Variants in EPB41L4A observed in about 807,000 individuals in gnomAD.
EPB41L4A encodes the protein band 4.1-like protein 4A.
Under a neutral mutation model 108.6 loss-of-function variants are expected in EPB41L4A, and 100 were observed. That is an observed-to-expected ratio of 0.92 (90% confidence interval 0.78 to 1.09). The LOEUF is 1.09. EPB41L4A is among the 50% of genes least tolerant of loss of function. The pLI is 0.00. For synonymous variants in EPB41L4A, 319 were observed against 289.0 expected, an observed-to-expected ratio of 1.10 and a Z score of -1.05; for missense variants, 1,030 against 842.7, an observed-to-expected ratio of 1.22 and a Z score of -2.75.
chr5:112,174,927 A>T (rs915130517), intron 18 of EPB41L4A, among the ~76,000 whole-genome samples: 1 of 152,164 alleles, frequency 6.6e-6, no homozygotes, highest in Non-Finnish European at 1.5e-5. Context: ...AATAAATCTA[A>T]TTAGGAGATG....
intron 1 of EPB41L4A, among the ~76,000 whole-genome samples, chr5:112,348,104 G>A (rs543767068): frequency 1.2e-4 from 19 of 152,106 alleles, no homozygotes; most frequent in Non-Finnish European, 5.9e-5. Context: ...AAGCCAACAT[G>A]TGCCCTACCT....
chr5:112,318,746 T>A (rs1243936328), intron 1 of EPB41L4A, among the ~76,000 whole-genome samples: 1 of 152,130 alleles, frequency 6.6e-6, no homozygotes, highest in Non-Finnish European at 1.5e-5. Flanking sequence ...AGACTAAGAC[T>A]CAAATGTTCT....
At chr5:112,244,320 C>A (rs528566214) in intron 9 of EPB41L4A, among the ~76,000 whole-genome samples, 1 of 152,280 alleles carries the variant, frequency 6.6e-6, no homozygotes, top group East Asian at 1.9e-4. Flanking sequence ...TCAATTGCAA[C>A]AGTAACATCA....
chr5:112,379,170 T>C (rs1215527117), intron 1 of EPB41L4A, among the ~76,000 whole-genome samples: 4 of 152,190 alleles, frequency 2.6e-5, no homozygotes, highest in Non-Finnish European at 4.4e-5. Flanking sequence ...TGGGCATCAA[T>C]GAAGGCAGAA....
chr5:112,404,105 G>T (rs900464640), intron 1 of EPB41L4A, among the ~76,000 whole-genome samples: 1 of 152,166 alleles, frequency 6.6e-6, no homozygotes, highest in Non-Finnish European at 1.5e-5. Context: ...TCATTGCTTA[G>T]AACCTATGTC....
At chr5:112,218,838 G>A (rs1199760573) in intron 12 of EPB41L4A, among the ~76,000 whole-genome samples, 2 of 152,076 alleles carry the variant, frequency 1.3e-5, no homozygotes, top group African/African-American at 4.8e-5. Flanking sequence ...GAAAAACAAT[G>A]TACCTTGTGC....
chr5:112,383,903 G>T (rs1419035855), intron 1 of EPB41L4A, among the ~76,000 whole-genome samples: 1 of 152,092 alleles, frequency 6.6e-6, no homozygotes. Context: ...TTCTAGATAG[G>T]TTAAAAGTTA....
intron 1 of EPB41L4A, among the ~76,000 whole-genome samples, chr5:112,327,109 C>T (rs1205697386): frequency 6.6e-6 from 1 of 152,104 alleles, no homozygotes; most frequent in East Asian, 1.9e-4. Context: ...CTCAGCTGAG[C>T]GAGTTGCAAA....
At chr5:112,161,627 A>C (rs1759910678), downstream of EPB41L4A, 1 of 519,072 alleles carries the variant, frequency 1.9e-6, no homozygotes, top group Non-Finnish European at 3.8e-6. Context: ...TGCTGCTTTT[A>C]CGTTTCCACG....
At chr5:112,312,977 G>C (rs1755145053) in intron 1 of EPB41L4A, among the ~76,000 whole-genome samples, 1 of 152,102 alleles carries the variant, frequency 6.6e-6, no homozygotes, top group Non-Finnish European at 1.5e-5. Flanking sequence ...CCAGTCCTAG[G>C]ATTTATTACA....
At chr5:112,410,021 T>C (rs1746370137) in intron 1 of EPB41L4A, among the ~76,000 whole-genome samples, 1 of 152,080 alleles carries the variant, frequency 6.6e-6, no homozygotes, top group African/African-American at 2.4e-5. Context: ...CAGTCTGGAT[T>C]AGGGTCAGAA....
intron 12 of EPB41L4A, among the ~76,000 whole-genome samples, chr5:112,216,650 T>G (rs926316221): frequency 6.6e-6 from 1 of 152,176 alleles, no homozygotes; most frequent in African/African-American, 2.4e-5. Context: ...AATAATAAGA[T>G]TATAGCTATT....
chr5:112,402,112 G>A lies in EPB41L4A; in HGVS notation c.99+16829C>T, dbSNP rs531425457. Among the ~76,000 whole-genome samples, 3 of 152,300 alleles carry A rather than the reference G, an allele frequency of 2.0e-5. No homozygotes were observed. In the East Asian group the frequency reaches 5.8e-4, roughly 29 times the overall value. Reference sequence around the variant, plus strand: ...CCAGTGTTGGAGGAGGGGCCTGGTGGGAGGTAATTGGATCTTGGCGGCAAA... The same window carrying A: ...CCAGTGTTGGAGGAGGGGCCTGGTGAGAGGTAATTGGATCTTGGCGGCAAA... On this transcript the variant is annotated intron_variant, in intron 1 of 22. Transcript: ENST00000261486.
intron 6 of EPB41L4A, 25 bp downstream of exon 6, chr5:112,264,870 AT>A (rs1408996982): frequency 6.3e-7 from 1 of 1,598,958 alleles, no homozygotes; most frequent in South Asian, 1.1e-5. Flanking sequence ...GGATGATGCA[AT>A]AAGACATGGT....
intron 17 of EPB41L4A, among the ~76,000 whole-genome samples, chr5:112,187,904 A>G (rs553325741): frequency 4.5e-4 from 68 of 152,330 alleles, no homozygotes; most frequent in Admixed American, 1.6e-3. Context: ...CAGCTCTGCC[A>G]TTATCTGACT....
intron 1 of EPB41L4A, among the ~76,000 whole-genome samples, chr5:112,394,486 C>T (rs1761192556): frequency 6.6e-6 from 1 of 152,182 alleles, no homozygotes; most frequent in South Asian, 2.1e-4. Context: ...CACTCCCATT[C>T]ACAATTGCTT....
intron 4 of EPB41L4A, among the ~76,000 whole-genome samples, chr5:112,272,001 T>G (rs1232346513): frequency 6.6e-6 from 1 of 152,198 alleles, no homozygotes; most frequent in Non-Finnish European, 1.5e-5. Flanking sequence ...ACGTACATTT[T>G]TCATAATCTG....
intron 18 of EPB41L4A, 62 bp from the exon 19 acceptor site, chr5:112,171,054 T>C (rs17266771): frequency 0.12 from 168,467 of 1,389,756 alleles, 10,796 homozygotes; most frequent in Middle Eastern, 0.15. Context: ...ACCTAATAAC[T>C]AACTTTAATA....
At chr5:112,314,792 C>CAA (rs58975273) in intron 1 of EPB41L4A, among the ~76,000 whole-genome samples, 1 of 146,320 alleles carries the variant, frequency 6.8e-6, no homozygotes, top group African/African-American at 2.5e-5. Flanking sequence ...GACTCCATCT[C>CAA]AAAAAAAAAA....
Sources: gnomAD v4.1 joint callset for allele counts (sites outside exome capture counted in the v4.1 genomes callset) on GRCh38, gnomAD v4.1.1 for gene constraint, MANE v1.5 for transcripts, NCBI Gene and HGNC (gene_info 2026-07-23, HGNC 2026-07-21) for gene names.